The following NUBPL variants were observed in gnomAD, a reference collection of about 807,000 sequenced individuals.
NUBPL encodes the protein NUBP iron-sulfur cluster assembly factor, mitochondrial.
A neutral mutation model predicts 45.7 loss-of-function variants in NUBPL; 31 were observed. The observed-to-expected ratio is 0.68, with a 90% CI of 0.51 to 0.92. NUBPL has a LOEUF of 0.92. Ranked by LOEUF, NUBPL falls within the 40% of genes least tolerant of loss-of-function variation. NUBPL has a pLI of 0.00. For missense variants in NUBPL, 401 were observed against 398.7 expected, an observed-to-expected ratio of 1.01 and a Z score of -0.05; for synonymous variants, 144 against 140.9, an observed-to-expected ratio of 1.02 and a Z score of -0.15.
chr14:31,814,424 C>T (rs2039874912), intron 7 of NUBPL, among the ~76,000 whole-genome samples: 1 of 151,952 alleles, frequency 6.6e-6, no homozygotes, highest in Admixed American at 6.6e-5. Flanking sequence ...CTTGTACATT[C>T]TGGATATTAA....
chr14:31,735,851 TAAA>T (rs1220200292), intron 6 of NUBPL, among the ~76,000 whole-genome samples: 2 of 151,990 alleles, frequency 1.3e-5, no homozygotes, highest in Admixed American at 6.6e-5. Flanking sequence ...GACTCTGTCT[TAAA>T]AAAAATCAGA....
chr14:31,835,324 C>T (rs1426990662), intron 8 of NUBPL, among the ~76,000 whole-genome samples: 1 of 152,148 alleles, frequency 6.6e-6, no homozygotes, highest in Non-Finnish European at 1.5e-5. Flanking sequence ...TAGTTGTCAT[C>T]TTGTTTGGTG....
intron 7 of NUBPL, among the ~76,000 whole-genome samples, chr14:31,825,501 C>T (rs544019477): frequency 6.7e-6 from 1 of 150,346 alleles, no homozygotes; most frequent in African/African-American, 2.4e-5. Flanking sequence ...CTTCTCCTCC[C>T]CCTTGTTCTC....
chr14:31,693,907 G>C (rs1012879861), intron 6 of NUBPL, among the ~76,000 whole-genome samples: 10 of 144,464 alleles, frequency 6.9e-5, no homozygotes, highest in African/African-American at 2.4e-4. Flanking sequence ...CCAGGCTGGA[G>C]TGCAGTGGCG....
rs924892517 is a variant in NUBPL at position 31,813,466 on chromosome 14, C to T, written c.608-13163C>T. Among the ~76,000 whole-genome samples, 30 of 147,372 alleles carry T rather than the reference C, an allele frequency of 2.0e-4. No homozygotes were observed. In the East Asian group the frequency reaches 2.2e-3, roughly 11 times the overall value. On this transcript the variant is annotated intron_variant, in intron 7 of 10. Coordinates refer to ENST00000281081, the MANE Select transcript of NUBPL (RefSeq NM_025152.3). ...ACACACACACACACACACACACACA[C>T]ATACATACATATATATATATACACA...
intron 4 of NUBPL, among the ~76,000 whole-genome samples, chr14:31,664,099 C>G (rs1200506222): frequency 1.3e-5 from 2 of 152,180 alleles, no homozygotes; most frequent in Non-Finnish European, 2.9e-5. Context: ...TATCCTGAGA[C>G]TTTCCTGAAG....
chr14:31,676,671 AATAT>A (rs2036706679), intron 6 of NUBPL, among the ~76,000 whole-genome samples: 1 of 152,042 alleles, frequency 6.6e-6, no homozygotes, highest in African/African-American at 2.4e-5. Flanking sequence ...GATGATCAAT[AATAT>A]TGAGCCCTTT....
intron 4 of NUBPL, among the ~76,000 whole-genome samples, chr14:31,643,549 G>A (rs1258009710): frequency 6.6e-6 from 1 of 152,054 alleles, no homozygotes; most frequent in Non-Finnish European, 1.5e-5. Context: ...AATTCAGTTC[G>A]CTGCTATTTT....
At position 31,679,580 on chromosome 14, in the gene NUBPL, A is replaced by T. The variant is rs142145427; in HGVS notation, c.513+6006A>T. On this transcript the variant is annotated intron_variant, in intron 6 of 10. Coordinates refer to ENST00000281081, the MANE Select transcript of NUBPL (RefSeq NM_025152.3). ...AAAATCAATTAACCGTATGTGTATC[A>T]TCTATTCTGGATATGCAGTTGTGCT... Among the ~76,000 whole-genome samples the T allele has an allele frequency of 1.1e-4, 17 of 152,258 alleles. No homozygotes were observed. The East Asian group carries it at 3.3e-3, about 29-fold the overall frequency.
intron 4 of NUBPL, among the ~76,000 whole-genome samples, chr14:31,648,285 G>A (rs908887852): frequency 9.2e-5 from 14 of 152,190 alleles, no homozygotes; most frequent in African/African-American, 3.1e-4. Flanking sequence ...TTAAAAGTAT[G>A]TATGATATAT....
intron 7 of NUBPL, among the ~76,000 whole-genome samples, chr14:31,810,987 A>G (rs1044278813): frequency 6.6e-6 from 1 of 152,126 alleles, no homozygotes; most frequent in East Asian, 1.9e-4. Flanking sequence ...CGAGAGATCC[A>G]CTGTTAGTCT....
intron 3 of NUBPL, among the ~76,000 whole-genome samples, chr14:31,592,929 G>A (rs2034180549): frequency 6.6e-6 from 1 of 152,010 alleles, no homozygotes; most frequent in African/African-American, 2.4e-5. Flanking sequence ...TACCCTCATG[G>A]GATTTACATT....
intron 4 of NUBPL, among the ~76,000 whole-genome samples, chr14:31,613,772 A>G (rs1410733546): frequency 1.3e-5 from 2 of 152,094 alleles, no homozygotes; most frequent in African/African-American, 2.4e-5. Flanking sequence ...GATTGTTTAC[A>G]ACACAAAGGA....
intron 4 of NUBPL, among the ~76,000 whole-genome samples, chr14:31,634,453 G>GTA (rs2035431804): frequency 1.3e-5 from 2 of 151,876 alleles, no homozygotes; most frequent in Non-Finnish European, 2.9e-5. Context: ...ATTCCATGGT[G>GTA]TACATGTGCC....
chr14:31,633,961 T>G (rs2035414132), intron 4 of NUBPL, among the ~76,000 whole-genome samples: 1 of 152,138 alleles, frequency 6.6e-6, no homozygotes, highest in Non-Finnish European at 1.5e-5. Flanking sequence ...GGTTCCCAGG[T>G]TTGAACGTTG....
chr14:31,710,391 C>A (rs566961848), intron 6 of NUBPL, among the ~76,000 whole-genome samples: 63 of 152,148 alleles, frequency 4.1e-4, no homozygotes, highest in Non-Finnish European at 7.8e-4. Flanking sequence ...TCCCTGGACC[C>A]TGCTGATCGG....
intron 10 of NUBPL, among the ~76,000 whole-genome samples, chr14:31,850,591 A>G (rs1316235166): frequency 6.6e-6 from 1 of 151,652 alleles, no homozygotes; most frequent in African/African-American, 2.4e-5. Context: ...ATATAAGGCA[A>G]TTGTGTAAAC....
intron 6 of NUBPL, among the ~76,000 whole-genome samples, chr14:31,746,110 A>G (rs1301160658): frequency 6.6e-6 from 1 of 152,026 alleles, no homozygotes; most frequent in Non-Finnish European, 1.5e-5. Context: ...TTCTGTATAG[A>G]AAGTCATATC....
At chr14:31,815,831 T>C (rs1431275910) in intron 7 of NUBPL, among the ~76,000 whole-genome samples, 1 of 152,226 alleles carries the variant, frequency 6.6e-6, no homozygotes, top group Non-Finnish European at 1.5e-5. Context: ...ATGTGATGGA[T>C]TATTTTTATT....
Sources: gnomAD v4.1 joint callset for allele counts (sites outside exome capture counted in the v4.1 genomes callset) on GRCh38, gnomAD v4.1.1 for gene constraint, MANE v1.5 for transcripts, NCBI Gene and HGNC (gene_info 2026-07-23, HGNC 2026-07-21) for gene names.